RANBP2: variants seen among roughly 807,000 people sequenced by gnomAD.
RANBP2 encodes the protein RAN binding protein 2.
In RANBP2, 57 loss-of-function variants were observed where a neutral mutation model predicts 303.6. The ratio of observed to expected loss-of-function variants is 0.19; its 90% CI spans 0.15 to 0.23. The LOEUF (loss-of-function observed/expected upper bound fraction) is 0.23, where lower values mean the gene tolerates loss of function less well. RANBP2 is among the 10% of genes least tolerant of loss of function. The pLI, the probability that RANBP2 is intolerant of heterozygous loss-of-function variation, is 1.00. For synonymous variants in RANBP2, 1,167 were observed against 1,301.5 expected (o/e 0.90, Z 2.23); for missense variants, 3,138 against 3,780.8 (o/e 0.83, Z 4.46).
At position 108,765,153 on chromosome 2, in the gene RANBP2, C is replaced by G. The variant is rs758769417; in HGVS notation, c.4614C>G (p.Asp1538Glu). 1 of 1,613,574 alleles carries G rather than the reference C, an allele frequency of 6.2e-7. No individual in the cohort carries two copies. Among genetic ancestry groups the G allele is most frequent in the Non-Finnish European group, 8.5e-7 (1 of 1,179,866 alleles). ...AAACTCTAAAAAGTGGATTTGAAGA[C>G]ATGTTTGCTAAGAAGGAAGGACAGT... ...TSKTLKSGFE[D>E]MFAKKEGQWD... The change falls in exon 20 of 29, where the codon GAC (aspartate) becomes GAG (glutamate). Residue 1538 changes from aspartate (D) to glutamate (E), a missense_variant. Asp to Glu is a conservative substitution (Grantham distance 45). Around this residue, in one of 20 missense-constraint regions of RANBP2, gnomAD observed 388 missense variants for 328.5 expected, o/e 1.18. Transcript: ENST00000283195.
the RANBP2 span, among the ~76,000 whole-genome samples, chr2:108,858,634 A>G: frequency 6.6e-6 from 1 of 151,280 alleles, no homozygotes; most frequent in Non-Finnish European, 1.5e-5. Context: ...TTGGTTTTTC[A>G]TTTTTCTAGG....
chr2:108,781,259 T>G lies in RANBP2; in HGVS notation c.8600-10T>G. ...ATACTAGTGTTTAAATATCCTGATT[T>G]ATTCATCAGATAAAAATTTCCAATG... On this transcript the variant is annotated splice_polypyrimidine_tract_variant and intron_variant, in intron 25 of 28. Transcript: ENST00000283195. 6.2e-7 allele frequency: 1 copy of G among 1,614,046 alleles called. No homozygotes were observed. Among genetic ancestry groups the G allele is most frequent in the Non-Finnish European group, 8.5e-7 (1 of 1,179,894 alleles).
the RANBP2 span, among the ~76,000 whole-genome samples, chr2:109,711,155 T>C: frequency 6.6e-6 from 1 of 152,014 alleles, no homozygotes; most frequent in Non-Finnish European, 1.5e-5. Flanking sequence ...AACCTTGACA[T>C]GGCCAAGTGA....
the RANBP2 span, among the ~76,000 whole-genome samples, chr2:109,506,797 G>A: frequency 6.6e-6 from 1 of 152,198 alleles, no homozygotes; most frequent in Admixed American, 6.5e-5. Flanking sequence ...GTTCTGACAG[G>A]GGGCTCTGCT....
the RANBP2 span, chr2:108,929,289 G>A: frequency 2.7e-5 from 43 of 1,614,060 alleles, no homozygotes; most frequent in Non-Finnish European, 3.4e-5. Flanking sequence ...TCTTTGTGAC[G>A]CCTGCATATC....
At chr2:109,181,861 A>G in the RANBP2 span, among the ~76,000 whole-genome samples, 1 of 152,124 alleles carries the variant, frequency 6.6e-6, no homozygotes, top group East Asian at 1.9e-4. Flanking sequence ...CCATCCTGGC[A>G]GGAATTAGGT....
chr2:108,874,476 C>T, the RANBP2 span, among the ~76,000 whole-genome samples: 1 of 152,076 alleles, frequency 6.6e-6, no homozygotes, highest in Non-Finnish European at 1.5e-5. Flanking sequence ...AATCTGGACA[C>T]CTTCTATCTC....
chr2:108,956,094 G>C, the RANBP2 span, among the ~76,000 whole-genome samples: 1 of 152,112 alleles, frequency 6.6e-6, no homozygotes. Flanking sequence ...TGGTTTGACT[G>C]TTTCATTCCC....
At chr2:109,565,637 G>C in the RANBP2 span, 1 of 830,276 alleles carries the variant, frequency 1.2e-6, no homozygotes, top group East Asian at 2.5e-5. Flanking sequence ...GGCTAAAATA[G>C]TACACAGCCA....
the RANBP2 span, among the ~76,000 whole-genome samples, chr2:109,324,657 C>T: frequency 6.6e-6 from 1 of 152,230 alleles, no homozygotes; most frequent in Non-Finnish European, 1.5e-5. Context: ...TTGATCCTTT[C>T]TCCTGGAACT....
At chr2:108,826,450 T>C in the RANBP2 span, among the ~76,000 whole-genome samples, 1 of 152,044 alleles carries the variant, frequency 6.6e-6, no homozygotes, top group South Asian at 2.1e-4. Flanking sequence ...GTTGGAGGAG[T>C]GTAACCTCAT....
the RANBP2 span, among the ~76,000 whole-genome samples, chr2:108,924,658 A>G: frequency 6.6e-6 from 1 of 152,148 alleles, no homozygotes; most frequent in East Asian, 1.9e-4. Flanking sequence ...GACTGTTACC[A>G]GTAATGTTAG....
the RANBP2 span, among the ~76,000 whole-genome samples, chr2:109,222,743 G>T: frequency 8.5e-5 from 13 of 152,258 alleles, no homozygotes; most frequent in Non-Finnish European, 1.8e-4. Context: ...CTGACATCCA[G>T]TGTTTCTGTT....
chr2:109,490,397 C>T, the RANBP2 span, among the ~76,000 whole-genome samples: 3 of 152,178 alleles, frequency 2.0e-5, no homozygotes, highest in Non-Finnish European at 2.9e-5. Flanking sequence ...ACTGGTTCAC[C>T]CGTGGGAACT....
chr2:109,500,555 T>A, the RANBP2 span, among the ~76,000 whole-genome samples: 2 of 152,092 alleles, frequency 1.3e-5, no homozygotes, highest in Non-Finnish European at 2.9e-5. Flanking sequence ...AAATGAGATG[T>A]GGGGAAAGTT....
the RANBP2 span, among the ~76,000 whole-genome samples, chr2:109,217,973 C>T: frequency 6.6e-6 from 1 of 152,180 alleles, no homozygotes; most frequent in Non-Finnish European, 1.5e-5. Context: ...CTTGCTCCTG[C>T]CGGTTGCCTT....
At chr2:109,258,203 C>G in the RANBP2 span, among the ~76,000 whole-genome samples, 1 of 152,142 alleles carries the variant, frequency 6.6e-6, no homozygotes, top group Non-Finnish European at 1.5e-5. Flanking sequence ...TTAATAATGC[C>G]TAGTGGCCAG....
At chr2:109,371,434 A>G in the RANBP2 span, among the ~76,000 whole-genome samples, 1 of 152,210 alleles carries the variant, frequency 6.6e-6, no homozygotes, top group East Asian at 1.9e-4. Flanking sequence ...TCCTGGGTGA[A>G]GATGTCAGAT....
chr2:108,892,726 C>T, the RANBP2 span, among the ~76,000 whole-genome samples: 2 of 152,192 alleles, frequency 1.3e-5, no homozygotes, highest in African/African-American at 2.4e-5. Context: ...ATCTGGGCCA[C>T]TGGAAGTCTC....
Sources: allele counts gnomAD v4.1 joint callset (sites outside exome capture counted in the v4.1 genomes callset), GRCh38; gene constraint gnomAD v4.1.1; regional missense constraint gnomAD v4.1.1; transcripts MANE v1.5; gene names NCBI Gene and HGNC (gene_info 2026-07-23, HGNC 2026-07-21).